WDR43: variants seen among roughly 807,000 people sequenced by gnomAD.
WDR43 encodes the protein WD repeat domain 43.
WDR43 carries 13 observed loss-of-function variants against 91.4 expected under a neutral mutation model. The observed-to-expected ratio is 0.14, with a 90% CI of 0.09 to 0.23. The LOEUF (loss-of-function observed/expected upper bound fraction) is 0.23. WDR43 is among the 10% of genes least tolerant of loss of function. The pLI is 1.00. For synonymous variants in WDR43, 331 were observed against 287.9 expected, an observed-to-expected ratio of 1.15 and a Z score of -1.51; for missense variants, 780 against 809.4, an observed-to-expected ratio of 0.96 and a Z score of 0.44.
intron 8 of WDR43, 23 bp from the exon 9 acceptor site, chr2:28,926,445 C>CT (rs1401392141): frequency 6.7e-7 from 1 of 1,493,692 alleles, no homozygotes; most frequent in Admixed American, 2.2e-5. Context: ...TCATCTTCCC[C>CT]TTTAAAAAAA....
chr2:28,941,545 C>T lies in WDR43; in HGVS notation c.1705C>T (p.His569Tyr). ...VKTFQKLSHL[H>Y]GKLILLITQV... ...AACTTTTCAGAAACTTTCACACCTTCATGGAAAGCTTATTCTTCTAATTAC... is the reference window on the plus strand; with the variant it reads ...AACTTTTCAGAAACTTTCACACCTTTATGGAAAGCTTATTCTTCTAATTAC... Residue 569 changes from histidine (H) to tyrosine (Y), a missense_variant, in exon 15 of 18, where the codon CAT becomes TAT. By Grantham distance (83) the His-to-Tyr change is moderately conservative. This residue lies in a region of WDR43 where 426 missense variants were observed against 467.8 expected (regional missense o/e 0.91). Transcript: ENST00000407426. 1 of 1,612,790 alleles carries T rather than the reference C, an allele frequency of 6.2e-7. No homozygotes were observed. The highest frequency in any genetic ancestry group is 8.5e-7 in the Non-Finnish European group (1 of 1,179,290).
At chr2:28,901,231 C>T (rs1246870299) in intron 1 of WDR43, among the ~76,000 whole-genome samples, 1 of 152,192 alleles carries the variant, frequency 6.6e-6, no homozygotes, top group African/African-American at 2.4e-5. Context: ...ATAATAAATA[C>T]TCAGCATTAT....
intron 16 of WDR43, among the ~76,000 whole-genome samples, 197 bp downstream of exon 16, chr2:28,942,578 CA>C (rs1558385273): frequency 6.8e-6 from 1 of 146,586 alleles, no homozygotes; most frequent in African/African-American, 2.5e-5. Context: ...AATACAGTGA[CA>C]AAAAAGGGCA....
intron 3 of WDR43, among the ~76,000 whole-genome samples, chr2:28,912,060 A>G (rs1572585771): frequency 6.6e-6 from 1 of 152,230 alleles, no homozygotes; most frequent in East Asian, 1.9e-4. Flanking sequence ...TACCTAATTA[A>G]TTTTTACCTG....
At chr2:28,929,558 A>G (rs1197462711) in intron 10 of WDR43, 21 bp from the exon 11 acceptor site, 4 of 1,566,114 alleles carry the variant, frequency 2.6e-6, no homozygotes, top group Non-Finnish European at 3.5e-6. Context: ...TAACACATTA[A>G]CAATCCTTTC....
chr2:28,941,141 C>A (rs1671426593), intron 14 of WDR43, among the ~76,000 whole-genome samples: 1 of 152,130 alleles, frequency 6.6e-6, no homozygotes, highest in African/African-American at 2.4e-5. Flanking sequence ...TTTTAATTTC[C>A]TGTCTACTTT....
chr2:28,927,132 GCTGT>G (rs776542553), intron 9 of WDR43: 5 of 519,516 alleles, frequency 9.6e-6, no homozygotes, highest in Admixed American at 1.9e-5. Flanking sequence ...CTTTCTCTTG[GCTGT>G]CTGAGCATTT....
intron 14 of WDR43, among the ~76,000 whole-genome samples, chr2:28,941,117 C>T (rs931785931): frequency 3.3e-5 from 5 of 152,280 alleles, no homozygotes; most frequent in Non-Finnish European, 5.9e-5. Context: ...CCTGGAGATA[C>T]GTGGTAGAGG....
intron 1 of WDR43, among the ~76,000 whole-genome samples, chr2:28,897,707 A>C (rs191385445): frequency 6.6e-6 from 1 of 152,376 alleles, no homozygotes; most frequent in African/African-American, 2.4e-5. Context: ...ATGATAACTC[A>C]TCAATGGAGA....
chr2:28,906,632 G>T, intron 3 of WDR43, 51 bp downstream of exon 3: 1 of 1,573,640 alleles, frequency 6.4e-7, no homozygotes. Flanking sequence ...GATAAATGCT[G>T]GACTTGTGGG....
intron 3 of WDR43, 62 bp downstream of exon 3, chr2:28,906,643 G>A (rs1441884213): frequency 5.4e-5 from 84 of 1,554,496 alleles, no homozygotes; most frequent in Non-Finnish European, 7.2e-5. Flanking sequence ...GACTTGTGGG[G>A]AATGCAGACA....
chr2:28,929,050 C>T (rs1671195493), intron 10 of WDR43, among the ~76,000 whole-genome samples: 1 of 152,174 alleles, frequency 6.6e-6, no homozygotes, highest in South Asian at 2.1e-4. Flanking sequence ...CAAGGAAGGA[C>T]ACTTAGTTGT....
chr2:28,939,978 G>C (rs1572603952), intron 14 of WDR43, among the ~76,000 whole-genome samples: 1 of 151,972 alleles, frequency 6.6e-6, no homozygotes, highest in East Asian at 2.0e-4. Flanking sequence ...GTGATGGCAG[G>C]TGCCTGTAGT....
intron 4 of WDR43, chr2:28,913,865 G>A: frequency 1.4e-6 from 1 of 703,476 alleles, no homozygotes; most frequent in Non-Finnish European, 2.5e-6. Flanking sequence ...TAAATTTTCA[G>A]TATTTTCAGA....
At chr2:28,905,663 C>CT (rs1434158898) in intron 2 of WDR43, among the ~76,000 whole-genome samples, 9 of 129,202 alleles carry the variant, frequency 7.0e-5, no homozygotes, top group East Asian at 5.0e-4. Context: ...CTCTCTTCTT[C>CT]TCTTTTTTTT....
intron 3 of WDR43, among the ~76,000 whole-genome samples, chr2:28,911,780 T>C (rs1670806086): frequency 6.6e-6 from 1 of 151,994 alleles, no homozygotes; most frequent in Admixed American, 6.6e-5. Flanking sequence ...TACTACACCA[T>C]GCCTGGCTAA....
At chr2:28,903,328 C>T (rs1572579851) in intron 2 of WDR43, among the ~76,000 whole-genome samples, 2 of 152,114 alleles carry the variant, frequency 1.3e-5, no homozygotes, top group South Asian at 4.1e-4. Flanking sequence ...ATTAGTGAGC[C>T]AAAGGGTTGC....
At position 28,925,808 on chromosome 2, in the gene WDR43, AAAAG is replaced by A. The variant is rs1424648628; in HGVS notation, c.1086+656_1087-656del. Among the ~76,000 whole-genome samples the A allele has an allele frequency of 3.9e-5, 6 of 152,188 alleles. No individual in the cohort carries two copies. The East Asian group carries it at 1.2e-3, about 29-fold the overall frequency. On this transcript the variant is annotated intron_variant, in intron 8 of 17. Coordinates refer to ENST00000407426, the MANE Select transcript of WDR43 (RefSeq NM_015131.3). The stretch of plus-strand genomic sequence containing the variant: ...CATATGGTTTAATTAAAAAAATAAA[AAAAG>A]GAGAAAAGTGTTAAGCTGTAAACAT...
rs1671347701 is a variant in WDR43 at position 28,936,971 on chromosome 2, A to T, written c.1556+18A>T. 6.4e-7 allele frequency: 1 copy of T among 1,563,022 alleles called. No individual in the cohort carries two copies. The highest frequency in any genetic ancestry group is 1.4e-5 in the African/African-American group (1 of 73,858). ...CCTAATAGGTAAGATTAAACAGGTG[A>T]CTTAAAAACAGTGTTGTCTGACAGC... On this transcript the variant is annotated intron_variant, in intron 13 of 17. Coordinates refer to ENST00000407426, the MANE Select transcript of WDR43 (RefSeq NM_015131.3).
Sources: gnomAD v4.1 joint callset for allele counts (sites outside exome capture counted in the v4.1 genomes callset) on GRCh38, gnomAD v4.1.1 for gene constraint, gnomAD v4.1.1 regional missense constraint, MANE v1.5 for transcripts, NCBI Gene and HGNC (gene_info 2026-07-23, HGNC 2026-07-21) for gene names.